Variants in UPF1 observed in about 807,000 individuals in gnomAD.
The protein encoded by UPF1 is UPF1 RNA helicase and ATPase, also known as regulator of nonsense transcripts 1.
Under a neutral mutation model 129.2 loss-of-function variants are expected in UPF1, and 9 were observed. The ratio of observed to expected loss-of-function variants is 0.07; its 90% CI spans 0.04 to 0.12. The LOEUF is 0.12. Among genes scored for constraint, UPF1 ranks in the 10% least tolerant of loss-of-function variants. UPF1 has a pLI of 1.00. For synonymous variants in UPF1, 649 were observed against 644.9 expected (o/e 1.01, Z -0.10); for missense variants, 788 against 1,525.3 (o/e 0.52, Z 8.05).
intron 1 of UPF1, among the ~76,000 whole-genome samples, chr19:18,841,093 A>T (rs2055536214): frequency 6.6e-6 from 1 of 152,240 alleles, no homozygotes; most frequent in South Asian, 2.1e-4. Context: ...CCTCTTTTTC[A>T]GTACGGGGAT....
At chr19:18,854,270 C>G (rs1458137653) in intron 8 of UPF1, among the ~76,000 whole-genome samples, 3 of 152,250 alleles carry the variant, frequency 2.0e-5, no homozygotes, top group African/African-American at 7.2e-5. Flanking sequence ...CAGGATGTGG[C>G]TGCTCCCTGC....
Position 18,858,936 on chromosome 19 carries a change from GAC to G in UPF1, c.2183-1381_2183-1380del, listed in dbSNP as rs564758778. ...AGTGTAAAGGGTCCTGAAAGCTGCC[GAC>G]ACAGCGCCTCATGAACTCCAAACCT... On this transcript the variant is annotated intron_variant, in intron 15 of 23. Coordinates refer to ENST00000262803, the MANE Select transcript of UPF1 (RefSeq NM_002911.4). 8.5e-5 allele frequency among the ~76,000 whole-genome samples: 13 copies of G among 152,298 alleles called. No individual in the cohort carries two copies. The South Asian group carries it at 2.7e-3, about 32-fold the overall frequency.
chr19:18,862,159 A>G lies in UPF1; in HGVS notation c.2600+7A>G, dbSNP rs2055787508. The G allele has an allele frequency of 6.2e-7, 1 of 1,612,812 alleles. No homozygotes were observed. The highest frequency in any genetic ancestry group is 8.5e-7 in the Non-Finnish European group (1 of 1,179,350). ...TGGCCCTGACCAGAGCAAGGTAGGG[A>G]GGCTGCCTGCTGCATGCTGCCCAGC... On this transcript the variant is annotated splice_region_variant and intron_variant, in intron 18 of 23. Transcript: ENST00000262803.
In UPF1 at chr19:18,853,830, G is replaced by T. The variant is rs527370453; in HGVS notation, c.1156+480G>T. Among the ~76,000 whole-genome samples the T allele has an allele frequency of 1.9e-4, 29 of 152,302 alleles. No homozygotes were observed. Among genetic ancestry groups the T allele is most frequent in the African/African-American group, 7.0e-4 (29 of 41,578 alleles). On this transcript the variant is annotated intron_variant, in intron 8 of 23. Coordinates refer to ENST00000262803, the MANE Select transcript of UPF1 (RefSeq NM_002911.4). The surrounding 1 kb of genome is among the most constrained non-coding windows in gnomAD (Gnocchi z 4.4). Reference sequence around the variant, plus strand: ...GTGATGCAGCCTGCCGGCCAGAGTGGGGCAGCTGTAAGGCACAGGTGCAGT... The same window carrying T: ...GTGATGCAGCCTGCCGGCCAGAGTGTGGCAGCTGTAAGGCACAGGTGCAGT...
intron 17 of UPF1, 146 bp from the exon 18 acceptor site, chr19:18,861,864 A>T: frequency 9.4e-7 from 1 of 1,059,566 alleles, no homozygotes; most frequent in Non-Finnish European, 1.3e-6. Flanking sequence ...CAGCAGAGCC[A>T]GGACAGCCCC....
chr19:18,850,308 G>GGCCCA lies in UPF1; in HGVS notation c.629+80_629+84dup, dbSNP rs932797533. On this transcript the variant is annotated intron_variant, in intron 4 of 23. Transcript: ENST00000262803. This position sits in a 1 kb window ranked among gnomAD's most constrained non-coding sequence, Gnocchi z 7.1. Reference sequence around the variant, plus strand: ...CTCCAGCCGTCTCCTCACAAGCCTTGGCCCAGCCCAGCCCAGCCGTGGCTC... The same window carrying GGCCCA: ...CTCCAGCCGTCTCCTCACAAGCCTTGGCCCAGCCCAGCCCAGCCCAGCCGTGGCTC... The GGCCCA allele has an allele frequency of 5.4e-5, 81 of 1,512,106 alleles. No homozygotes were observed. The highest frequency in any genetic ancestry group is 1.4e-4 in the African/African-American group (10 of 71,240). The allele number at this position is 1,512,106 out of a possible 1,614,324, so 93.7% of individuals were successfully genotyped here.
Position 18,863,263 on chromosome 19 carries a change from G to T in UPF1, c.2601-175G>T, listed in dbSNP as rs1020716373. On this transcript the variant is annotated intron_variant, in intron 18 of 23. Coordinates refer to ENST00000262803, the MANE Select transcript of UPF1 (RefSeq NM_002911.4). Reference sequence around the variant, plus strand: ...AAATCAACCCGTGTGCAGGGTCAGTGGCTTGGCATTGGGCTTTGGGGCCTG... The same window carrying T: ...AAATCAACCCGTGTGCAGGGTCAGTTGCTTGGCATTGGGCTTTGGGGCCTG... 3 of 772,438 alleles carry T rather than the reference G, an allele frequency of 3.9e-6. No homozygotes were observed. In the African/African-American group the frequency reaches 5.2e-5, roughly 13 times the overall value. The allele number at this position is 772,438 out of a possible 1,614,324, so 47.8% of individuals were successfully genotyped here.
chr19:18,841,809 C>T (rs1048493269), intron 1 of UPF1, among the ~76,000 whole-genome samples: 15 of 152,204 alleles, frequency 9.9e-5, no homozygotes, highest in African/African-American at 3.4e-4. Context: ...AAATGAACCT[C>T]ACGCGGACTC....
chr19:18,864,417 T>G (rs994080459), intron 20 of UPF1, among the ~76,000 whole-genome samples, 166 bp downstream of exon 20: 2 of 152,244 alleles, frequency 1.3e-5, no homozygotes, highest in African/African-American at 4.8e-5. Flanking sequence ...CCCGGAACAC[T>G]CCTGGGGTGT....
intron 1 of UPF1, among the ~76,000 whole-genome samples, chr19:18,834,503 A>G (rs1282068331): frequency 1.3e-5 from 2 of 152,170 alleles, no homozygotes; most frequent in Admixed American, 1.3e-4. Context: ...GGAGAGCATT[A>G]AAACGCTCCC....
In UPF1 at chr19:18,853,527, A is replaced by C. The variant is rs1405900121; in HGVS notation, c.1156+177A>C. The stretch of plus-strand genomic sequence containing the variant: ...GGAGAATCACAGGGCCTTCACCTTC[A>C]GGGGACAGCTGGTTGTATGGTTGCT... On this transcript the variant is annotated intron_variant, in intron 8 of 23. Transcript: ENST00000262803. This position sits in a 1 kb window ranked among gnomAD's most constrained non-coding sequence, Gnocchi z 4.4. 6.6e-6 allele frequency among the ~76,000 whole-genome samples: 1 copy of C among 152,216 alleles called. No individual in the cohort carries two copies. The highest frequency in any genetic ancestry group is 2.4e-5 in the African/African-American group (1 of 41,452).
chr19:18,847,335 C>T (rs377444502), intron 2 of UPF1, among the ~76,000 whole-genome samples: 25 of 152,300 alleles, frequency 1.6e-4, no homozygotes, highest in African/African-American at 5.8e-4. Flanking sequence ...AGCTTCAGGG[C>T]GCTGCTGCTG....
At chr19:18,835,818 TTA>T (rs953880588) in intron 1 of UPF1, among the ~76,000 whole-genome samples, 2 of 152,180 alleles carry the variant, frequency 1.3e-5, no homozygotes, top group Non-Finnish European at 2.9e-5. Flanking sequence ...GTGGATGTGT[TTA>T]TAGACCTGCT....
At position 18,832,201 on chromosome 19, in the gene UPF1, G is replaced by T; in HGVS notation, c.-9G>T. 1 of 1,535,368 alleles carries T rather than the reference G, an allele frequency of 6.5e-7. No homozygotes were observed. The highest frequency in any genetic ancestry group is 8.8e-7 in the Non-Finnish European group (1 of 1,139,914). On this transcript the variant is annotated 5_prime_UTR_variant, in exon 1 of 24. Transcript: ENST00000262803. This position sits in a 1 kb window ranked among gnomAD's most constrained non-coding sequence, Gnocchi z 5.6. ...CGGAACCGGCCCGAGGGCCCTACCC[G>T]GAGGCACCATGAGCGTGGAGGCGTA...
Position 18,844,262 on chromosome 19 carries a change from A to AGC in UPF1, c.232-1717_232-1716dup, listed in dbSNP as rs2055574367. The stretch of plus-strand genomic sequence containing the variant: ...ATACGTCTTTAAATACTGTGTCCAG[A>AGC]GCAGAGGTGATGGGAGGAGCTGCTT... On this transcript the variant is annotated intron_variant, in intron 1 of 23. Transcript: ENST00000262803. Among the ~76,000 whole-genome samples the AGC allele has an allele frequency of 1.2e-4, 12 of 103,994 alleles. No homozygotes were observed. In the South Asian group the frequency reaches 3.8e-3, roughly 33 times the overall value. 68.2% of individuals were successfully genotyped at this position (103,994 alleles called of 152,430 possible).
rs775630639 is a variant in UPF1 at position 18,865,839 on chromosome 19, T to C, written c.3237+61T>C. 2.5e-6 allele frequency: 4 copies of C among 1,601,744 alleles called. No individual in the cohort carries two copies. The highest frequency in any genetic ancestry group is 2.2e-5 in the East Asian group (1 of 44,732). Reference sequence around the variant, plus strand: ...AGGGTGGGGCTATGCACCTGAAACATTCCCTCTGAAGAGCCCCAGAGAGCT... The same window carrying C: ...AGGGTGGGGCTATGCACCTGAAACACTCCCTCTGAAGAGCCCCAGAGAGCT... On this transcript the variant is annotated intron_variant, in intron 22 of 23. Coordinates refer to ENST00000262803, the MANE Select transcript of UPF1 (RefSeq NM_002911.4). The surrounding 1 kb of genome is among the most constrained non-coding windows in gnomAD (Gnocchi z 6.1).
rs1160133230 is a variant in UPF1, at chr19:18,865,210, T to C, written c.2858-79T>C. On this transcript the variant is annotated intron_variant, in intron 20 of 23. Transcript: ENST00000262803. The surrounding 1 kb of genome is among the most constrained non-coding windows in gnomAD (Gnocchi z 6.1). The stretch of plus-strand genomic sequence containing the variant: ...GGACAGATGTGCAGCTCCGGCTGAC[T>C]GGCTGGTGGGGTGGGTGGGGTATCG... The C allele has an allele frequency of 6.7e-6, 10 of 1,488,514 alleles. No individual in the cohort carries two copies. The highest frequency in any genetic ancestry group is 9.1e-6 in the Non-Finnish European group (10 of 1,104,562). The allele number at this position is 1,488,514 out of a possible 1,614,324, so 92.2% of individuals were successfully genotyped here.
rs2055657815 is a variant in UPF1, at chr19:18,851,384, AT to A, written c.810+520del. On this transcript the variant is annotated intron_variant, in intron 5 of 23. Coordinates refer to ENST00000262803, the MANE Select transcript of UPF1 (RefSeq NM_002911.4). This position sits in a 1 kb window ranked among gnomAD's most constrained non-coding sequence, Gnocchi z 4.2. The stretch of plus-strand genomic sequence containing the variant: ...CTTTCTGTGCTTCCAGCTGTTTAGG[AT>A]TTTGTGATAAAGTAGTTCTAATAAC... Among the ~76,000 whole-genome samples the A allele has an allele frequency of 6.6e-6, 1 of 152,110 alleles. No individual in the cohort carries two copies. Among genetic ancestry groups the A allele is most frequent in the African/African-American group, 2.4e-5 (1 of 41,410 alleles).
At chr19:18,849,994 A>G (rs1335618611) in intron 3 of UPF1, 81 bp from the exon 4 acceptor site, 14 of 1,570,952 alleles carry the variant, frequency 8.9e-6, no homozygotes, top group Non-Finnish European at 1.0e-5. Flanking sequence ...CGGTACCGGA[A>G]CTTTTAACAG....
Sources: gnomAD v4.1 joint callset for allele counts (sites outside exome capture counted in the v4.1 genomes callset) on GRCh38, gnomAD v4.1.1 for gene constraint, Gnocchi (gnomAD v3.1) non-coding constraint, MANE v1.5 for transcripts, NCBI Gene and HGNC (gene_info 2026-07-23, HGNC 2026-07-21) for gene names.